Variants in PAQR5 observed in about 807,000 individuals in gnomAD.
PAQR5 encodes progestin and adipoQ receptor family member 5.
A neutral mutation model predicts 34.5 loss-of-function variants in PAQR5; 20 were observed. The observed-to-expected ratio is 0.58, with a 90% CI of 0.41 to 0.84. The LOEUF is 0.84. Ranked by LOEUF, PAQR5 falls within the 40% of genes least tolerant of loss-of-function variation. The probability of loss-of-function intolerance (pLI) is 0.00; values close to 1 mark genes in which losing one functional copy is unlikely to be tolerated. For missense variants in PAQR5, 378 were observed against 412.7 expected, an observed-to-expected ratio of 0.92 and a Z score of 0.73; for synonymous variants, 131 against 155.6, an observed-to-expected ratio of 0.84 and a Z score of 1.18.
At chr15:69,364,808 G>A (rs140737859) in intron 3 of PAQR5, among the ~76,000 whole-genome samples, 2 of 151,014 alleles carry the variant, frequency 1.3e-5, no homozygotes, top group Admixed American at 6.6e-5. Context: ...GCAAGATCTC[G>A]GCTCACTGCA....
intron 2 of PAQR5, among the ~76,000 whole-genome samples, chr15:69,347,786 T>C (rs1595880885): frequency 6.6e-6 from 1 of 152,174 alleles, no homozygotes; most frequent in African/African-American, 2.4e-5. Context: ...GAAGGGCAGG[T>C]GAGTTCTCTG....
At chr15:69,343,433 G>A (rs545593446) in intron 2 of PAQR5, among the ~76,000 whole-genome samples, 2 of 151,962 alleles carry the variant, frequency 1.3e-5, no homozygotes, top group South Asian at 4.1e-4. Flanking sequence ...AGAAATAGAG[G>A]CAAAAAAAAT....
At chr15:69,395,569 C>T (rs1198890176) in intron 6 of PAQR5, among the ~76,000 whole-genome samples, 1 of 152,198 alleles carries the variant, frequency 6.6e-6, no homozygotes, top group Non-Finnish European at 1.5e-5. Flanking sequence ...ATCGTTTCAT[C>T]AAATCCATAC....
chr15:69,371,395 AATT>A (rs2055558281), intron 3 of PAQR5, among the ~76,000 whole-genome samples: 1 of 152,188 alleles, frequency 6.6e-6, no homozygotes, highest in African/African-American at 2.4e-5. Flanking sequence ...TAAGCAGAAA[AATT>A]ATTAAATATT....
intron 2 of PAQR5, among the ~76,000 whole-genome samples, chr15:69,338,618 T>C (rs893056871): frequency 4.6e-5 from 7 of 152,224 alleles, no homozygotes; most frequent in Admixed American, 1.3e-4. Flanking sequence ...CCAGAGCGAT[T>C]GACAGCCTTC....
At chr15:69,383,533 G>A (rs113669145) in intron 4 of PAQR5, among the ~76,000 whole-genome samples, 1 of 141,316 alleles carries the variant, frequency 7.1e-6, no homozygotes, top group East Asian at 2.2e-4. Flanking sequence ...TCATCGTGGA[G>A]GGTGAGCGGG....
intron 3 of PAQR5, among the ~76,000 whole-genome samples, chr15:69,375,524 A>G (rs1404400313): frequency 2.0e-5 from 3 of 152,196 alleles, no homozygotes; most frequent in Non-Finnish European, 4.4e-5. Flanking sequence ...GAAGTATGTC[A>G]CAGTCCAAAA....
intron 3 of PAQR5, among the ~76,000 whole-genome samples, chr15:69,372,321 A>C (rs1413195579): frequency 6.6e-6 from 1 of 152,182 alleles, no homozygotes; most frequent in African/African-American, 2.4e-5. Flanking sequence ...ACACAGGTGG[A>C]TCACTTGAGG....
chr15:69,300,937 C>CTCTCTCTTTCCTTCTT lies in PAQR5; in HGVS notation c.-277+1884_-277+1885insCTCTTTCCTTCTTTCT, dbSNP rs2053578922. 4.1e-3 allele frequency among the ~76,000 whole-genome samples: 21 copies of CTCTCTCTTTCCTTCTT among 5,178 alleles called. 5 individuals are homozygous for CTCTCTCTTTCCTTCTT. Among genetic ancestry groups the CTCTCTCTTTCCTTCTT allele is most frequent in the Non-Finnish European group, 5.4e-3 (6 of 1,108 alleles). The allele number at this position is 5,178 out of a possible 152,430, so 3.4% of individuals were successfully genotyped here. A position where few individuals can be genotyped will look rare whatever the true frequency, so the allele number is the denominator to read the frequency against. On this transcript the variant is annotated intron_variant, in intron 1 of 8. Transcript: ENST00000395407. ...CCTTTCTCTCTCTCTCTCTCTCTCT[C>CTCTCTCTTTCCTTCTT]TCTTTCTTTCCTTCTTTCTTTCTTT...
At chr15:69,390,367 T>TTTTTGAGACA (rs60267549) in intron 6 of PAQR5, among the ~76,000 whole-genome samples, 1 of 149,552 alleles carries the variant, frequency 6.7e-6, no homozygotes, top group Non-Finnish European at 1.5e-5. Context: ...TTTATTTTTT[T>TTTTTGAGACA]GAGACAGGGT....
intron 2 of PAQR5, among the ~76,000 whole-genome samples, chr15:69,338,822 T>C (rs1460733128): frequency 6.6e-6 from 1 of 152,262 alleles, no homozygotes; most frequent in Non-Finnish European, 1.5e-5. Context: ...AGAAACTTAC[T>C]TTGTAGTTTA....
Position 69,360,113 on chromosome 15 carries a change from C to T in PAQR5, c.33C>T (p.Ser11=), listed in dbSNP as rs779447514. MLSLKLPRLF[S]IDQIPQVFHE... ...GCCTGAAGCTCCCCAGGCTGTTTAGCATAGACCAGATACCCCAGGTATGTG... is the reference window on the plus strand; with the variant it reads ...GCCTGAAGCTCCCCAGGCTGTTTAGTATAGACCAGATACCCCAGGTATGTG... The change falls in exon 3 of 9, where the codon AGC becomes AGT. Residue 11 remains serine, a synonymous_variant. Coordinates refer to ENST00000395407, the MANE Select transcript of PAQR5 (RefSeq NM_017705.4). The T allele has an allele frequency of 1.2e-6, 2 of 1,612,956 alleles. No individual in the cohort carries two copies. Among genetic ancestry groups the T allele is most frequent in the Admixed American group, 1.7e-5 (1 of 60,008 alleles).
In PAQR5 at chr15:69,397,644, C is replaced by T. The variant is rs547081546; in HGVS notation, c.609+80C>T. 2.7e-4 allele frequency: 258 copies of T among 951,854 alleles called. 1 individual carries two copies. Among genetic ancestry groups the T allele is most frequent in the South Asian group, 1.8e-3 (139 of 77,536 alleles). The allele number at this position is 951,854 out of a possible 1,614,324, so 59.0% of individuals were successfully genotyped here. A position where few individuals can be genotyped will look rare whatever the true frequency, so the allele number is the denominator to read the frequency against. ...GTTTTCCTGAGCTTCTGGGGGGTCA[C>T]AGCACTGCAATGGGAACCGCAGAAC... is the stretch of plus-strand genomic sequence containing the variant. On this transcript the variant is annotated intron_variant, in intron 7 of 8. Coordinates refer to ENST00000395407, the MANE Select transcript of PAQR5 (RefSeq NM_017705.4).
chr15:69,301,423 C>A (rs953157498), intron 1 of PAQR5, among the ~76,000 whole-genome samples: 4 of 152,210 alleles, frequency 2.6e-5, no homozygotes, highest in African/African-American at 9.6e-5. Context: ...GGCAGAGCAA[C>A]TTTGTCCCTT....
chr15:69,309,984 G>A (rs545845537), intron 1 of PAQR5, among the ~76,000 whole-genome samples: 2 of 152,052 alleles, frequency 1.3e-5, no homozygotes, highest in South Asian at 4.2e-4. Context: ...GGAGGTGGAG[G>A]TCACAGTGAG....
intron 3 of PAQR5, among the ~76,000 whole-genome samples, chr15:69,367,098 A>C (rs1306800675): frequency 6.6e-6 from 1 of 152,058 alleles, no homozygotes; most frequent in Non-Finnish European, 1.5e-5. Flanking sequence ...GCACATGGTG[A>C]GATTTTATTA....
intron 3 of PAQR5, among the ~76,000 whole-genome samples, chr15:69,370,144 T>C (rs956665558): frequency 3.9e-5 from 6 of 152,218 alleles, no homozygotes; most frequent in Non-Finnish European, 7.3e-5. Flanking sequence ...CATGACAGCA[T>C]TTCTATAAAA....
chr15:69,381,847 G>A (rs573691878), intron 4 of PAQR5, among the ~76,000 whole-genome samples: 1 of 152,246 alleles, frequency 6.6e-6, no homozygotes, highest in East Asian at 1.9e-4. Flanking sequence ...GAAGGATTTA[G>A]CAATGTTCCT....
chr15:69,403,857 A>T lies in PAQR5; in HGVS notation c.*35A>T. 6.2e-7 allele frequency: 1 copy of T among 1,605,240 alleles called. No homozygotes were observed. Among genetic ancestry groups the T allele is most frequent in the East Asian group, 2.2e-5 (1 of 44,808 alleles). ...TAAGCTTTTCATGCCAGATGTCAACATTAAGCTGCAACATCCTAACCACCA... is the reference window on the plus strand; with the variant it reads ...TAAGCTTTTCATGCCAGATGTCAACTTTAAGCTGCAACATCCTAACCACCA... On this transcript the variant is annotated 3_prime_UTR_variant, in exon 9 of 9. Transcript: ENST00000395407.
Sources: allele counts gnomAD v4.1 joint callset (sites outside exome capture counted in the v4.1 genomes callset), GRCh38; gene constraint gnomAD v4.1.1; transcripts MANE v1.5; gene names NCBI Gene and HGNC (gene_info 2026-07-23, HGNC 2026-07-21).